Variants in CNTN5 observed in about 807,000 individuals in gnomAD.
The protein encoded by CNTN5 is contactin-5.
A neutral mutation model predicts 129.1 loss-of-function variants in CNTN5; 77 were observed. The observed-to-expected ratio is 0.60, with a 90% CI of 0.50 to 0.72. The LOEUF is 0.72. CNTN5 is among the 30% of genes least tolerant of loss of function. The pLI, the probability that CNTN5 is intolerant of heterozygous loss-of-function variation, is 0.00. For missense variants in CNTN5, 1,478 were observed against 1,328.8 expected, an observed-to-expected ratio of 1.11 and a Z score of -1.75; for synonymous variants, 509 against 465.6, an observed-to-expected ratio of 1.09 and a Z score of -1.20.
intron 13 of CNTN5, among the ~76,000 whole-genome samples, chr11:100,169,681 G>T (rs970832972): frequency 3.3e-5 from 5 of 151,924 alleles, no homozygotes; most frequent in Admixed American, 3.3e-4. Flanking sequence ...ACATTTTTGT[G>T]ACTTGCTTTA....
chr11:99,898,377 G>A (rs537394760), intron 6 of CNTN5, among the ~76,000 whole-genome samples: 4 of 151,968 alleles, frequency 2.6e-5, no homozygotes, highest in Non-Finnish European at 5.9e-5. Context: ...TGATTAAGGT[G>A]ACATCACAAC....
At chr11:99,891,009 A>G (rs1949044809) in intron 6 of CNTN5, among the ~76,000 whole-genome samples, 1 of 152,194 alleles carries the variant, frequency 6.6e-6, no homozygotes, top group Non-Finnish European at 1.5e-5. Context: ...AAAGGGAAGT[A>G]TGAGAAACTG....
chr11:99,239,779 C>CA lies in CNTN5; in HGVS notation c.-209-85560dup, dbSNP rs1262815364. Among the ~76,000 whole-genome samples, 27 of 151,974 alleles carry CA rather than the reference C, an allele frequency of 1.8e-4. No homozygotes were observed. The South Asian group carries it at 2.3e-3, about 13-fold the overall frequency. ...TGAAACCCCGTCTCTACTAAAAATA[C>CA]AAAAAAATTTAGCCGGGCGTGGTGG... is the stretch of plus-strand genomic sequence containing the variant. On this transcript the variant is annotated intron_variant, in intron 1 of 24. Transcript: ENST00000524871.
At chr11:99,736,060 C>G (rs1347112626) in intron 3 of CNTN5, among the ~76,000 whole-genome samples, 2 of 151,838 alleles carry the variant, frequency 1.3e-5, no homozygotes. Flanking sequence ...CTGTCCCTCT[C>G]TCTCTTTCTT....
At chr11:100,058,404 C>G (rs1311814836) in intron 9 of CNTN5, among the ~76,000 whole-genome samples, 1 of 151,894 alleles carries the variant, frequency 6.6e-6, no homozygotes, top group Non-Finnish European at 1.5e-5. Context: ...CTGCATCTGT[C>G]AAAGTTATCC....
intron 3 of CNTN5, among the ~76,000 whole-genome samples, chr11:99,696,082 T>C (rs1159278589): frequency 2.6e-5 from 4 of 152,112 alleles, no homozygotes; most frequent in African/African-American, 9.7e-5. Flanking sequence ...ATACCAATGT[T>C]TATTCTAAAC....
chr11:99,866,116 A>C (rs985804298), intron 6 of CNTN5, among the ~76,000 whole-genome samples: 2 of 152,170 alleles, frequency 1.3e-5, no homozygotes, highest in East Asian at 3.9e-4. Context: ...GTAATTTTTT[A>C]ATAAGAGGAA....
At chr11:99,519,749 A>T (rs1310341584) in intron 2 of CNTN5, among the ~76,000 whole-genome samples, 1 of 152,084 alleles carries the variant, frequency 6.6e-6, no homozygotes, top group East Asian at 1.9e-4. Context: ...TTATTCAACC[A>T]GTCTGGGAAC....
At chr11:99,984,810 CTT>C (rs1938569704) in intron 8 of CNTN5, among the ~76,000 whole-genome samples, 2 of 152,124 alleles carry the variant, frequency 1.3e-5, no homozygotes, top group African/African-American at 4.8e-5. Flanking sequence ...GGAAAGATAA[CTT>C]AGGACTAGAA....
intron 6 of CNTN5, among the ~76,000 whole-genome samples, chr11:99,890,400 A>T (rs1052454900): frequency 2.6e-5 from 4 of 151,968 alleles, no homozygotes; most frequent in Admixed American, 6.6e-5. Context: ...TATATATATC[A>T]GTATCAATTC....
At chr11:99,420,440 C>A (rs1942837439) in intron 2 of CNTN5, among the ~76,000 whole-genome samples, 1 of 151,996 alleles carries the variant, frequency 6.6e-6, no homozygotes, top group African/African-American at 2.4e-5. Flanking sequence ...TTAATGGTAG[C>A]ACATAATAAG....
At chr11:99,536,092 T>C (rs1947890568) in intron 2 of CNTN5, among the ~76,000 whole-genome samples, 1 of 152,118 alleles carries the variant, frequency 6.6e-6, no homozygotes, top group Non-Finnish European at 1.5e-5. Context: ...AATCATTTAA[T>C]AGGTAAATAT....
chr11:99,136,909 C>T (rs937855349), intron 1 of CNTN5, among the ~76,000 whole-genome samples: 5 of 151,870 alleles, frequency 3.3e-5, no homozygotes, highest in Non-Finnish European at 7.4e-5. Context: ...ATTAGACTCC[C>T]ATATGGAAAA....
chr11:100,195,224 T>C (rs985673806), intron 15 of CNTN5, among the ~76,000 whole-genome samples: 8 of 151,958 alleles, frequency 5.3e-5, no homozygotes, highest in Admixed American at 2.6e-4. Context: ...TCTGCAAACA[T>C]CCCTTTTGAG....
intron 21 of CNTN5, among the ~76,000 whole-genome samples, chr11:100,333,425 A>AAC (rs1951953231): frequency 6.6e-6 from 1 of 150,686 alleles, no homozygotes; most frequent in Non-Finnish European, 1.5e-5. Context: ...AAAAAAAAAA[A>AAC]AAAAAAACAC....
chr11:99,252,870 A>T (rs939811625), intron 1 of CNTN5, among the ~76,000 whole-genome samples: 2 of 151,706 alleles, frequency 1.3e-5, no homozygotes, highest in Admixed American at 1.3e-4. Context: ...ATATTTTAAT[A>T]TTCATCTTTT....
chr11:99,297,524 C>T (rs1237253164), intron 1 of CNTN5, among the ~76,000 whole-genome samples: 2 of 152,162 alleles, frequency 1.3e-5, no homozygotes, highest in Admixed American at 6.5e-5. Context: ...ACCAAGAGCC[C>T]TCATTTTTAA....
At chr11:100,040,569 T>C (rs1942317219) in intron 9 of CNTN5, among the ~76,000 whole-genome samples, 1 of 152,172 alleles carries the variant, frequency 6.6e-6, no homozygotes, top group Admixed American at 6.5e-5. Flanking sequence ...CCCCCAGAGG[T>C]GGAGCCTACA....
At chr11:99,926,465 A>G (rs755856442) in intron 7 of CNTN5, among the ~76,000 whole-genome samples, 1 of 152,178 alleles carries the variant, frequency 6.6e-6, no homozygotes, top group Non-Finnish European at 1.5e-5. Context: ...GGCAACCAAA[A>G]TTTCACAGAG....
Sources: gnomAD v4.1 joint callset for allele counts (sites outside exome capture counted in the v4.1 genomes callset) on GRCh38, gnomAD v4.1.1 for gene constraint, MANE v1.5 for transcripts, NCBI Gene and HGNC (gene_info 2026-07-23, HGNC 2026-07-21) for gene names.